The following PDE4D variants were observed in gnomAD, a reference collection of about 807,000 sequenced individuals.
The protein encoded by PDE4D is 3',5'-cyclic-AMP phosphodiesterase 4D.
A neutral mutation model predicts 87.4 loss-of-function variants in PDE4D; 24 were observed. The observed-to-expected ratio is 0.27, with a 90% CI of 0.20 to 0.39. PDE4D has a LOEUF of 0.39. PDE4D is among the 10% of genes least tolerant of loss of function. The pLI, the probability that PDE4D is intolerant of heterozygous loss-of-function variation, is 1.00. For synonymous variants in PDE4D, 384 were observed against 383.2 expected, an observed-to-expected ratio of 1.00 and a Z score of -0.02; for missense variants, 714 against 1,041.0, an observed-to-expected ratio of 0.69 and a Z score of 4.32.
chr5:59,858,889 T>G (rs1172591617), intron 1 of PDE4D, among the ~76,000 whole-genome samples: 2 of 152,078 alleles, frequency 1.3e-5, no homozygotes, highest in Non-Finnish European at 2.9e-5. Context: ...ATAACAAGAA[T>G]GAATGTAAGT....
chr5:60,357,739 T>C (rs1206498308), intron 1 of PDE4D, among the ~76,000 whole-genome samples: 1 of 152,212 alleles, frequency 6.6e-6, no homozygotes, highest in East Asian at 1.9e-4. Flanking sequence ...GTAGGATCCA[T>C]AGTGCATATA....
chr5:58,995,814 G>A (rs1264874631), intron 6 of PDE4D, among the ~76,000 whole-genome samples: 2 of 152,168 alleles, frequency 1.3e-5, no homozygotes, highest in African/African-American at 2.4e-5. Flanking sequence ...CCATAGCTAT[G>A]TCTCAAAAGC....
chr5:60,232,920 T>C (rs1459308515), intron 1 of PDE4D, among the ~76,000 whole-genome samples: 1 of 151,706 alleles, frequency 6.6e-6, no homozygotes, highest in Non-Finnish European at 1.5e-5. Context: ...GAAATAAAAA[T>C]AGTGAACACA....
At chr5:59,118,724 T>C (rs1774016049) in intron 5 of PDE4D, among the ~76,000 whole-genome samples, 1 of 152,226 alleles carries the variant, frequency 6.6e-6, no homozygotes, top group Non-Finnish European at 1.5e-5. Context: ...ATGTCTGTAC[T>C]TGCTGGTATG....
At chr5:60,157,891 C>CCCTTCCTTCCTTCCTTCCTTCCTT (rs112255610) in intron 2 of PDE4D, among the ~76,000 whole-genome samples, 6 of 146,858 alleles carry the variant, frequency 4.1e-5, no homozygotes, top group African/African-American at 1.5e-4. Flanking sequence ...CCCTTTCTTT[C>CCCTTCCTTCCTTCCTTCCTTCCTT]CCTTCCTTCC....
At chr5:59,184,533 TTTTA>T (rs1742439387) in intron 4 of PDE4D, among the ~76,000 whole-genome samples, 1 of 147,596 alleles carries the variant, frequency 6.8e-6, no homozygotes, top group South Asian at 2.2e-4. Context: ...CATTTTAATA[TTTTA>T]TTTCATATTA....
At chr5:60,444,313 G>T (rs1745468945) in intron 1 of PDE4D, among the ~76,000 whole-genome samples, 1 of 151,960 alleles carries the variant, frequency 6.6e-6, no homozygotes, top group Non-Finnish European at 1.5e-5. Flanking sequence ...ATTTCACCAG[G>T]GCTATGTCCT....
chr5:59,840,724 C>T (rs55945657), intron 1 of PDE4D, among the ~76,000 whole-genome samples: 1 of 151,890 alleles, frequency 6.6e-6, no homozygotes, highest in Non-Finnish European at 1.5e-5. Context: ...ACTGTTCAGC[C>T]CTTGTTAGGG....
intron 2 of PDE4D, among the ~76,000 whole-genome samples, chr5:60,049,924 C>G (rs530511195): frequency 1.3e-5 from 2 of 152,184 alleles, no homozygotes; most frequent in African/African-American, 2.4e-5. Context: ...GCTTTGTTTA[C>G]GTAAGCAAGC....
At chr5:60,209,187 CTT>C (rs58524375) in intron 1 of PDE4D, among the ~76,000 whole-genome samples, 129 of 108,462 alleles carry the variant, frequency 1.2e-3, no homozygotes, top group Non-Finnish European at 1.7e-3. Context: ...TTCTTTTTTT[CTT>C]TTTTTTTTTT....
chr5:59,055,820 T>C (rs1448460871), intron 5 of PDE4D, among the ~76,000 whole-genome samples: 1 of 152,182 alleles, frequency 6.6e-6, no homozygotes. Context: ...TTTGCCTACT[T>C]AAACTTTAGC....
intron 2 of PDE4D, among the ~76,000 whole-genome samples, chr5:59,205,201 A>ATT (rs34254880): frequency 4.6e-5 from 7 of 151,182 alleles, no homozygotes; most frequent in East Asian, 3.9e-4. Context: ...ATGCAGTGAG[A>ATT]TTTTTTTTTT....
At chr5:59,906,613 G>A (rs62371464) in intron 3 of PDE4D, among the ~76,000 whole-genome samples, 425 of 152,120 alleles carry the variant, frequency 2.8e-3, no homozygotes, top group Non-Finnish European at 5.1e-3. Flanking sequence ...TTTACTAAAC[G>A]AATCTTTATA....
At chr5:59,685,849 G>T (rs937513750) in intron 1 of PDE4D, among the ~76,000 whole-genome samples, 1 of 152,032 alleles carries the variant, frequency 6.6e-6, no homozygotes, top group Admixed American at 6.6e-5. Context: ...CACACTGTCT[G>T]ATCCAGATCC....
At chr5:60,381,033 G>A (rs1761822045) in intron 1 of PDE4D, among the ~76,000 whole-genome samples, 1 of 152,186 alleles carries the variant, frequency 6.6e-6, no homozygotes, top group Admixed American at 6.5e-5. Flanking sequence ...ACTGAACTTA[G>A]GCCAGCTCCT....
intron 2 of PDE4D, among the ~76,000 whole-genome samples, chr5:60,043,806 T>C (rs148415792): frequency 1.3e-3 from 198 of 152,342 alleles, no homozygotes; most frequent in African/African-American, 4.5e-3. Flanking sequence ...TCAACATTTA[T>C]TTCAAGGCAG....
At chr5:59,817,462 A>G (rs1769100836) in intron 1 of PDE4D, among the ~76,000 whole-genome samples, 1 of 152,176 alleles carries the variant, frequency 6.6e-6, no homozygotes, top group African/African-American at 2.4e-5. Context: ...TATTAAATAT[A>G]TGCTGGGTCA....
Position 60,378,209 on chromosome 5 carries a change from T to A in PDE4D, c.-90+109733A>T, listed in dbSNP as rs6882049. ...TCAATAAATTAATAAGAATATTTCA[T>A]GGTGACATGAATGCCCTTGTGTCTT... On this transcript the variant is annotated intron_variant, in intron 1 of 16. Coordinates refer to the PDE4D transcript ENST00000502484. 1.7e-3 allele frequency among the ~76,000 whole-genome samples: 253 copies of A among 152,332 alleles called. 4 individuals are homozygous for A. The highest frequency in any genetic ancestry group is 0.016 in the Admixed American group (246 of 15,306).
At chr5:60,074,776 T>G (rs530718123) in intron 2 of PDE4D, among the ~76,000 whole-genome samples, 93 of 152,338 alleles carry the variant, frequency 6.1e-4, no homozygotes, top group Non-Finnish European at 1.1e-3. Flanking sequence ...TTCATCTTTT[T>G]TGAGCTTCGT....
Sources: allele counts gnomAD v4.1 joint callset (sites outside exome capture counted in the v4.1 genomes callset), GRCh38; gene constraint gnomAD v4.1.1; transcripts MANE v1.5; gene names NCBI Gene and HGNC (gene_info 2026-07-23, HGNC 2026-07-21).